The following FGGY variants were observed in gnomAD, a reference collection of about 807,000 sequenced individuals.
FGGY encodes FGGY carbohydrate kinase domain containing.
In FGGY, 72 loss-of-function variants were observed where a neutral mutation model predicts 71.3. That is an observed-to-expected ratio of 1.01 (90% confidence interval 0.84 to 1.23). The LOEUF (loss-of-function observed/expected upper bound fraction) is 1.23. FGGY is among the 50% of genes most tolerant of loss of function. The pLI is 0.00. For missense variants in FGGY, 668 were observed against 682.3 expected, an observed-to-expected ratio of 0.98 and a Z score of 0.23; for synonymous variants, 251 against 250.3, an observed-to-expected ratio of 1.00 and a Z score of -0.02.
intron 7 of FGGY, among the ~76,000 whole-genome samples, chr1:59,526,335 A>G (rs566612245): frequency 3.5e-4 from 53 of 152,304 alleles, no homozygotes; most frequent in Admixed American, 2.3e-3. Context: ...AAGAGAGGAA[A>G]TATTTCATTG....
chr1:59,664,260 C>A (rs1270186687), intron 12 of FGGY, among the ~76,000 whole-genome samples: 1 of 152,220 alleles, frequency 6.6e-6, no homozygotes, highest in East Asian at 1.9e-4. Context: ...CATTTTCACA[C>A]AAAGCCCTTT....
intron 8 of FGGY, among the ~76,000 whole-genome samples, chr1:59,575,041 ATATAC>A (rs1178638694): frequency 6.6e-6 from 1 of 152,172 alleles, no homozygotes; most frequent in Non-Finnish European, 1.5e-5. Flanking sequence ...GTGAATTTTG[ATATAC>A]TATATATTGT....
At chr1:59,413,906 A>G (rs936733740) in intron 5 of FGGY, among the ~76,000 whole-genome samples, 1 of 152,212 alleles carries the variant, frequency 6.6e-6, no homozygotes, top group Non-Finnish European at 1.5e-5. Context: ...AGTTGTAGCA[A>G]GCCGAGATTG....
At chr1:59,566,987 A>G (rs554989891) in intron 8 of FGGY, among the ~76,000 whole-genome samples, 1 of 152,338 alleles carries the variant, frequency 6.6e-6, no homozygotes, top group East Asian at 1.9e-4. Context: ...ATTTACTTGT[A>G]TGTACCTGAC....
intron 6 of FGGY, among the ~76,000 whole-genome samples, chr1:59,473,441 C>T (rs1038026450): frequency 7.2e-5 from 11 of 152,308 alleles, no homozygotes; most frequent in Non-Finnish European, 1.0e-4. Context: ...TGAGGGTCCG[C>T]GGCTTCATTC....
chr1:59,557,312 T>C (rs1011144), intron 8 of FGGY, among the ~76,000 whole-genome samples: 199 of 152,332 alleles, frequency 1.3e-3, no homozygotes, highest in African/African-American at 4.5e-3. Flanking sequence ...CCTGTCTGCT[T>C]ACTTCTGATG....
At chr1:59,717,188 C>T (rs2100500776) in intron 14 of FGGY, among the ~76,000 whole-genome samples, 1 of 152,252 alleles carries the variant, frequency 6.6e-6, no homozygotes, top group South Asian at 2.1e-4. Flanking sequence ...CTTAGTTCAA[C>T]AGTGCAGAGC....
intron 6 of FGGY, among the ~76,000 whole-genome samples, chr1:59,469,431 G>C (rs1366321959): frequency 1.3e-5 from 2 of 152,160 alleles, no homozygotes; most frequent in Admixed American, 6.5e-5. Flanking sequence ...AGGGGGCTTG[G>C]CTTTATCAGA....
At chr1:59,407,177 C>G (rs1348936618) in intron 5 of FGGY, among the ~76,000 whole-genome samples, 1 of 152,190 alleles carries the variant, frequency 6.6e-6, no homozygotes, top group Non-Finnish European at 1.5e-5. Flanking sequence ...GCTGGTTGGT[C>G]CTGGGTCTCG....
At chr1:59,722,287 G>T (rs1291692208) in intron 14 of FGGY, among the ~76,000 whole-genome samples, 1 of 151,722 alleles carries the variant, frequency 6.6e-6, no homozygotes, top group East Asian at 1.9e-4. Context: ...TATCGCTATT[G>T]ATGTTGGCCT....
chr1:59,598,054 G>T (rs955992195), intron 8 of FGGY, among the ~76,000 whole-genome samples: 2 of 152,156 alleles, frequency 1.3e-5, no homozygotes, highest in Non-Finnish European at 2.9e-5. Context: ...CACCCACTCT[G>T]CCCCACCCAC....
At chr1:59,339,839 C>T in intron 2 of FGGY, 119 bp from the exon 3 acceptor site, 2 of 594,308 alleles carry the variant, frequency 3.4e-6, no homozygotes, top group Non-Finnish European at 5.9e-6. Flanking sequence ...AAATTTTTAT[C>T]TGTTTTATGT....
chr1:59,461,516 A>C (rs1429017605), intron 6 of FGGY, among the ~76,000 whole-genome samples: 2 of 152,214 alleles, frequency 1.3e-5, no homozygotes, highest in Non-Finnish European at 2.9e-5. Flanking sequence ...TATCCAGGAG[A>C]ACTTCCCTAA....
At chr1:59,475,709 C>T (rs1001445231) in intron 6 of FGGY, among the ~76,000 whole-genome samples, 5 of 152,186 alleles carry the variant, frequency 3.3e-5, no homozygotes, top group East Asian at 1.9e-4. Context: ...AAAGTGGACC[C>T]GGAATGAGGC....
chr1:59,364,849 A>C (rs1459775793), intron 4 of FGGY, among the ~76,000 whole-genome samples: 2 of 152,256 alleles, frequency 1.3e-5, no homozygotes, highest in African/African-American at 2.4e-5. Flanking sequence ...GAAGAACTCT[A>C]ATACAGGGTG....
rs147011319 is a variant in FGGY, at chr1:59,432,366, A to G, written c.555-24595A>G. Among the ~76,000 whole-genome samples, 625 of 152,364 alleles carry G rather than the reference A, an allele frequency of 4.1e-3. 3 individuals carry two copies. Among genetic ancestry groups the G allele is most frequent in the African/African-American group, 0.014 (584 of 41,576 alleles). On this transcript the variant is annotated intron_variant, in intron 5 of 15. Coordinates refer to ENST00000303721, the MANE Select transcript of FGGY (RefSeq NM_018291.5). ...AAAAAAGGGGGTTATGGGAACCTCCAGTATGTAGCTGATCAGTCAGAAGTA... is the reference window on the plus strand; with the variant it reads ...AAAAAAGGGGGTTATGGGAACCTCCGGTATGTAGCTGATCAGTCAGAAGTA...
At position 59,305,506 on chromosome 1, in the gene FGGY, C is replaced by A. The variant is rs566475947; in HGVS notation, c.-15+8356C>A. On this transcript the variant is annotated intron_variant, in intron 1 of 15. Transcript: ENST00000303721. ...ATCTGTGTTCATTGTGGATATTGGC[C>A]TGTAATTATCTTTTCTCATAATGTC... 2.6e-5 allele frequency among the ~76,000 whole-genome samples: 4 copies of A among 152,148 alleles called. No individual in the cohort carries two copies. In the East Asian group the frequency reaches 7.7e-4, roughly 29 times the overall value.
At chr1:59,547,237 C>T (rs2095540676) in intron 7 of FGGY, among the ~76,000 whole-genome samples, 1 of 152,102 alleles carries the variant, frequency 6.6e-6, no homozygotes, top group Non-Finnish European at 1.5e-5. Flanking sequence ...GGGCATAAGC[C>T]ACCATGCCCG....
At chr1:59,372,627 T>C (rs2057881593) in intron 4 of FGGY, among the ~76,000 whole-genome samples, 1 of 152,162 alleles carries the variant, frequency 6.6e-6, no homozygotes, top group Non-Finnish European at 1.5e-5. Context: ...TTTAGACCAA[T>C]ATCCTTGATG....
Sources: gnomAD v4.1 joint callset for allele counts (sites outside exome capture counted in the v4.1 genomes callset) on GRCh38, gnomAD v4.1.1 for gene constraint, MANE v1.5 for transcripts, NCBI Gene and HGNC (gene_info 2026-07-23, HGNC 2026-07-21) for gene names.